Variants in TBC1D7 observed in about 807,000 individuals in gnomAD.
The protein encoded by TBC1D7 is TBC domain family 7.
TBC1D7 carries 33 observed loss-of-function variants against 35.3 expected under a neutral mutation model. The observed-to-expected ratio is 0.93, with a 90% CI of 0.71 to 1.25. The LOEUF (loss-of-function observed/expected upper bound fraction) is 1.25, where lower values mean the gene tolerates loss of function less well. Ranked by LOEUF, TBC1D7 falls within the 50% of genes most tolerant of loss-of-function variation. The pLI is 0.00. For missense variants in TBC1D7, 362 were observed against 365.3 expected (o/e 0.99, Z 0.07); for synonymous variants, 135 against 129.5 (o/e 1.04, Z -0.29).
chr6:13,310,157 T>C (rs1467274390), intron 5 of TBC1D7, among the ~76,000 whole-genome samples: 3 of 152,204 alleles, frequency 2.0e-5, no homozygotes, highest in Non-Finnish European at 2.9e-5. Flanking sequence ...ATCCAGCCAA[T>C]CTATTTTCAG....
intron 1 of TBC1D7, among the ~76,000 whole-genome samples, chr6:13,327,212 A>T (rs188428769): frequency 9.2e-5 from 14 of 152,336 alleles, no homozygotes; most frequent in African/African-American, 2.9e-4. Context: ...ACAATAGAAC[A>T]TTCTGTAGCT....
chr6:13,316,631 C>T lies in TBC1D7; in HGVS notation c.459G>A (p.Trp153Ter). 2 of 1,613,896 alleles carry T rather than the reference C, an allele frequency of 1.2e-6. No homozygotes were observed. The highest frequency in any genetic ancestry group is 1.7e-6 in the Non-Finnish European group (2 of 1,179,980). ...EMVEDSVDCYWITRRFVNQLN... is the reference protein window; with the variant it reads ...EMVEDSVDCY ...ATTGGTTCACAAAGCGTCGGGTGAT[C>T]CAGTAACAGTCGACACTATCTTCCA... Residue 153 changes from tryptophan to a stop codon, truncating the protein, a stop_gained, in exon 5 of 8, where the codon TGG (tryptophan) becomes TGA (stop). Transcript: ENST00000379300. LOFTEE classifies it high-confidence loss of function.
intron 5 of TBC1D7, among the ~76,000 whole-genome samples, chr6:13,312,439 C>A (rs1266337722): frequency 6.6e-6 from 1 of 152,124 alleles, no homozygotes; most frequent in Non-Finnish European, 1.5e-5. Flanking sequence ...ATAATCTCAG[C>A]ACTTTGGGAG....
chr6:13,318,248 T>G (rs1038358289), intron 4 of TBC1D7: 1 of 152,236 alleles, frequency 6.6e-6, no homozygotes, highest in South Asian at 2.1e-4. Flanking sequence ...ATTTCAGGTA[T>G]TCTGTTATAA....
chr6:13,316,624 G>T lies in TBC1D7; in HGVS notation c.466C>A (p.Arg156=). ...GTATTTAATTGGTTCACAAAGCGTC[G>T]GGTGATCCAGTAACAGTCGACACTA... ...EDSVDCYWIT[R]RFVNQLNTKY... is the part of the protein sequence containing the mutation. Residue 156 remains arginine, a synonymous_variant, in exon 5 of 8, where the codon CGA becomes AGA. Coordinates refer to ENST00000379300, the MANE Select transcript of TBC1D7 (RefSeq NM_016495.6). 1 of 1,613,582 alleles carries T rather than the reference G, an allele frequency of 6.2e-7. No homozygotes were observed. Among genetic ancestry groups the T allele is most frequent in the Non-Finnish European group, 8.5e-7 (1 of 1,179,998 alleles).
chr6:13,308,106 C>T (rs1377785037), intron 5 of TBC1D7, among the ~76,000 whole-genome samples: 1 of 152,140 alleles, frequency 6.6e-6, no homozygotes, highest in Admixed American at 6.5e-5. Context: ...CTAAGGAAGG[C>T]CCATTATATT....
At chr6:13,317,012 C>T (rs1783679995) in intron 4 of TBC1D7, among the ~76,000 whole-genome samples, 1 of 152,146 alleles carries the variant, frequency 6.6e-6, no homozygotes, top group South Asian at 2.1e-4. Context: ...GTCACTGACT[C>T]TCTCCACCCA....
chr6:13,323,786 G>T (rs1784215652), intron 3 of TBC1D7: 1 of 152,174 alleles, frequency 6.6e-6, no homozygotes, highest in Non-Finnish European at 1.5e-5. Context: ...GCCCTGAAAA[G>T]ATACTACATT....
chr6:13,312,706 A>C (rs1294884991), intron 5 of TBC1D7, among the ~76,000 whole-genome samples: 1 of 151,474 alleles, frequency 6.6e-6, no homozygotes, highest in Non-Finnish European at 1.5e-5. Context: ...AAAAAAAAAA[A>C]AAGTTAGGAG....
Position 13,307,626 on chromosome 6 carries a change from T to A in TBC1D7, c.639A>T (p.Gly213=), listed in dbSNP as rs747688451. The A allele has an allele frequency of 6.2e-7, 1 of 1,614,106 alleles. No individual in the cohort carries two copies. The highest frequency in any genetic ancestry group is 1.1e-5 in the South Asian group (1 of 91,092). The part of the protein sequence containing the change: ...YDLWFKRCFA[G]CLPESSLQRV... ...TCTGTAAACTGGATTCAGGCAAACA[T>A]CCCGCAAAGCACCTCTTGAACCAGA... The change falls in exon 6 of 8, where the codon GGA becomes GGT. Residue 213 remains glycine (G), a synonymous_variant. Coordinates refer to ENST00000379300, the MANE Select transcript of TBC1D7 (RefSeq NM_016495.6).
chr6:13,317,391 T>C (rs997927158), intron 4 of TBC1D7, among the ~76,000 whole-genome samples: 6 of 152,176 alleles, frequency 3.9e-5, no homozygotes, highest in Admixed American at 1.3e-4. Flanking sequence ...CCATATCATA[T>C]ACAAAAAGCT....
At chr6:13,323,767 G>C (rs147423147) in intron 3 of TBC1D7, 26 of 152,298 alleles carry the variant, frequency 1.7e-4, no homozygotes, top group African/African-American at 5.8e-4. Flanking sequence ...AGGGCTGCAG[G>C]CTTCTCAAGC....
At position 13,306,397 on chromosome 6, in the gene TBC1D7, C is replaced by G. The variant is rs571157720; in HGVS notation, c.795+1G>C. On this transcript the variant is annotated splice_donor_variant, in intron 7 of 7. Coordinates refer to ENST00000379300, the MANE Select transcript of TBC1D7 (RefSeq NM_016495.6). LOFTEE classifies it high-confidence loss of function. ...TCAAAATCAAATCAAAGCACACTTA[C>G]ATTTTCCAGAAACTTTGTTATCTTC... is the stretch of plus-strand genomic sequence containing the variant. 6.3e-7 allele frequency: 1 copy of G among 1,581,758 alleles called. No homozygotes were observed. The highest frequency in any genetic ancestry group is 2.3e-5 in the East Asian group (1 of 42,912).
chr6:13,317,036 T>G (rs1012280106), intron 4 of TBC1D7, among the ~76,000 whole-genome samples: 1 of 152,158 alleles, frequency 6.6e-6, no homozygotes, highest in Non-Finnish European at 1.5e-5. Flanking sequence ...ATATTCTCAG[T>G]ACTAGGTGAG....
chr6:13,306,410 C>T lies in TBC1D7; in HGVS notation c.783G>A (p.Lys261=). The change falls in exon 7 of 8, where the codon AAG becomes AAA. Residue 261 remains lysine (K), a synonymous_variant. Coordinates refer to ENST00000379300, the MANE Select transcript of TBC1D7 (RefSeq NM_016495.6). ...AAAGCACACTTACATTTTCCAGAAA[C>T]TTTGTTATCTTCTCTGCACTGTTCA... is the stretch of plus-strand genomic sequence containing the variant. ...MALNSAEKIT[K]FLENIPQDSS... is the part of the protein sequence containing the mutation. 3 of 1,582,182 alleles carry T rather than the reference C, an allele frequency of 1.9e-6. No individual in the cohort carries two copies. Among genetic ancestry groups the T allele is most frequent in the East Asian group, 4.7e-5 (2 of 42,966 alleles).
intron 2 of TBC1D7, among the ~76,000 whole-genome samples, chr6:13,326,462 CAAAA>C (rs201457396): frequency 1.1e-5 from 1 of 91,334 alleles, no homozygotes; most frequent in Admixed American, 1.2e-4. Flanking sequence ...GACTTGGTCT[CAAAA>C]AAAAAAAAAA....
chr6:13,320,707 C>T (rs776389521), intron 4 of TBC1D7: 12 of 680,164 alleles, frequency 1.8e-5, no homozygotes, highest in African/African-American at 1.4e-4. Context: ...CAAAATAAAA[C>T]GTATTTTAAA....
chr6:13,309,448 T>A (rs1298825253), intron 5 of TBC1D7, among the ~76,000 whole-genome samples: 1 of 152,254 alleles, frequency 6.6e-6, no homozygotes, highest in Non-Finnish European at 1.5e-5. Context: ...AATATATAAC[T>A]GTTGAGTGAG....
At chr6:13,306,676 C>T in intron 6 of TBC1D7, 149 bp from the exon 7 acceptor site, 1 of 554,196 alleles carries the variant, frequency 1.8e-6, no homozygotes, top group Non-Finnish European at 3.0e-6. Flanking sequence ...ACCAAAACAA[C>T]AACAAAATAC....
Sources: allele counts gnomAD v4.1 joint callset (sites outside exome capture counted in the v4.1 genomes callset), GRCh38; gene constraint gnomAD v4.1.1; transcripts MANE v1.5; gene names NCBI Gene and HGNC (gene_info 2026-07-23, HGNC 2026-07-21).